Variants in DGKD observed in about 807,000 individuals in gnomAD.
DGKD encodes the protein DAG kinase delta.
Under a neutral mutation model 154.4 loss-of-function variants are expected in DGKD, and 68 were observed. That is an observed-to-expected ratio of 0.44 (90% CI 0.36 to 0.54). The LOEUF (loss-of-function observed/expected upper bound fraction) is 0.54, where lower values mean the gene tolerates loss of function less well. Among genes scored for constraint, DGKD ranks in the 20% least tolerant of loss-of-function variants. The pLI, the probability that DGKD is intolerant of heterozygous loss-of-function variation, is 0.00. For missense variants in DGKD, 1,343 were observed against 1,593.6 expected, an observed-to-expected ratio of 0.84 and a Z score of 2.68; for synonymous variants, 693 against 638.0, an observed-to-expected ratio of 1.09 and a Z score of -1.30.
chr2:233,428,843 C>T (rs1467223050), intron 3 of DGKD, among the ~76,000 whole-genome samples: 5 of 152,094 alleles, frequency 3.3e-5, no homozygotes. Context: ...GGCTTCTTCA[C>T]AACAGAACAG....
chr2:233,464,095 C>G, intron 26 of DGKD, 69 bp from the exon 27 acceptor site: 3 of 1,600,732 alleles, frequency 1.9e-6, no homozygotes, highest in South Asian at 2.2e-5. Context: ...GGACCTCACC[C>G]CCCTGGGCCT....
At chr2:233,405,628 GTTCATCTCC>G (rs1369524908) in intron 3 of DGKD, among the ~76,000 whole-genome samples, 1 of 152,154 alleles carries the variant, frequency 6.6e-6, no homozygotes, top group Non-Finnish European at 1.5e-5. Context: ...AAAGGGATGA[GTTCATCTCC>G]TCCCCCTTGT....
Position 233,470,924 on chromosome 2 carries a change from G to C in DGKD, c.*1464G>C, listed in dbSNP as rs929111506. ...GCGCTGTCCAGGTCCTTTAGTCAGC[G>C]TCACTCCATCTGATGTGCAGAAGCT... On this transcript the variant is annotated 3_prime_UTR_variant, in exon 30 of 30. Coordinates refer to ENST00000264057, the MANE Select transcript of DGKD (RefSeq NM_152879.3). 1 of 152,420 alleles carries C rather than the reference G, an allele frequency of 6.6e-6. No individual in the cohort carries two copies. The highest frequency in any genetic ancestry group is 2.1e-4 in the South Asian group (1 of 4,830). 9.4% of individuals were successfully genotyped at this position (152,420 alleles called of 1,614,324 possible).
Position 233,449,626 on chromosome 2 carries a change from A to G in DGKD, c.1888+250A>G, listed in dbSNP as rs2063202683. On this transcript the variant is annotated intron_variant, in intron 15 of 29. Coordinates refer to ENST00000264057, the MANE Select transcript of DGKD (RefSeq NM_152879.3). The surrounding 1 kb of genome is among the most constrained non-coding windows in gnomAD (Gnocchi z 5.3). ...TCCTGGCCCTCATTGACTTCACTAT[A>G]AGCGTCTCACTCCCGTGAGAGCCTT... Among the ~76,000 whole-genome samples, 1 of 151,998 alleles carries G rather than the reference A, an allele frequency of 6.6e-6. No individual in the cohort carries two copies. The highest frequency in any genetic ancestry group is 1.5e-5 in the Non-Finnish European group (1 of 67,998).
At chr2:233,455,308 A>T (rs1478347713) in intron 19 of DGKD, among the ~76,000 whole-genome samples, 1 of 152,186 alleles carries the variant, frequency 6.6e-6, no homozygotes, top group East Asian at 1.9e-4. Flanking sequence ...CTTGAGTCCA[A>T]CCTCTGCAGG....
At chr2:233,395,081 G>A (rs1046315896) in intron 3 of DGKD, among the ~76,000 whole-genome samples, 1 of 152,280 alleles carries the variant, frequency 6.6e-6, no homozygotes, top group Non-Finnish European at 1.5e-5. Flanking sequence ...TAAATATTGT[G>A]CTTCAGCCAT....
rs574075999 is a variant in DGKD, at chr2:233,386,586, C to T, written c.157-1671C>T. On this transcript the variant is annotated intron_variant, in intron 1 of 29. Transcript: ENST00000264057. ...GGGTGGGGAGGTCACTTCTGGCAAA[C>T]AAGCGTCATCAGAATGCTTGATCGT... Among the ~76,000 whole-genome samples the T allele has an allele frequency of 9.9e-5, 15 of 152,206 alleles. No individual in the cohort carries two copies. In the South Asian group the frequency reaches 2.7e-3, roughly 27 times the overall value.
At chr2:233,447,902 C>T in intron 12 of DGKD, 185 bp from the exon 13 acceptor site, 1 of 1,431,284 alleles carries the variant, frequency 7.0e-7, no homozygotes, top group Non-Finnish European at 9.1e-7. Context: ...TCACCTAGCA[C>T]TAGGTGAGTC....
chr2:233,397,772 A>G (rs1239692818), intron 3 of DGKD, among the ~76,000 whole-genome samples: 1 of 152,006 alleles, frequency 6.6e-6, no homozygotes, highest in Non-Finnish European at 1.5e-5. Context: ...TAGGATTGTT[A>G]GGAGAGAGTG....
intron 1 of DGKD, among the ~76,000 whole-genome samples, chr2:233,359,755 T>C (rs1401346692): frequency 2.6e-5 from 4 of 152,248 alleles, no homozygotes; most frequent in African/African-American, 9.6e-5. Context: ...TGTTAACTGT[T>C]GTGCGAGGCA....
rs1237691251 is a variant in DGKD, at chr2:233,354,532, C to T, written c.14C>T (p.Ala5Val). ...TGGCCCGGCAGCATGGCGGCGGCGG[C>T]GGGCGCCCCTCCGCCGGGTCCCCCG... MAAAAGAPPPGPPQP... is the reference protein window; with the variant it reads MAAAVGAPPPGPPQP... The change falls in exon 1 of 30, where the codon GCG (alanine) becomes GTG (valine). Residue 5 changes from alanine to valine, a missense_variant. Transcript: ENST00000264057. This position sits in a 1 kb window ranked among gnomAD's most constrained non-coding sequence, Gnocchi z 4.8. 9.1e-6 allele frequency: 9 copies of T among 990,034 alleles called. No individual in the cohort carries two copies. Among genetic ancestry groups the T allele is most frequent in the African/African-American group, 1.8e-5 (1 of 56,538 alleles). The allele number at this position is 990,034 out of a possible 1,614,324, so 61.3% of individuals were successfully genotyped here. A position where few individuals can be genotyped will look rare whatever the true frequency, so the allele number is the denominator to read the frequency against.
chr2:233,448,685 T>C (rs1182031409), intron 14 of DGKD, among the ~76,000 whole-genome samples: 1 of 152,200 alleles, frequency 6.6e-6, no homozygotes, highest in Non-Finnish European at 1.5e-5. Context: ...TCACCTCATG[T>C]AAATGAAGTG....
chr2:233,386,316 A>G (rs910338055), intron 1 of DGKD: 5 of 266,552 alleles, frequency 1.9e-5, no homozygotes, highest in Non-Finnish European at 1.5e-5. Context: ...GCTTCCATGG[A>G]TGGCATTGTT....
intron 10 of DGKD, chr2:233,442,284 T>TG: frequency 9.2e-6 from 5 of 542,786 alleles, no homozygotes; most frequent in South Asian, 8.5e-5. Context: ...CAGGGCTGGG[T>TG]GGGGCTGTTG....
At chr2:233,419,510 AT>A in intron 3 of DGKD, 5 of 910,920 alleles carry the variant, frequency 5.5e-6, no homozygotes, top group Non-Finnish European at 6.6e-6. Context: ...AGCGGAAGGA[AT>A]TGAGCTTCCT....
Position 233,392,057 on chromosome 2 carries a change from C to G in DGKD, c.348+1574C>G, listed in dbSNP as rs552332863. The G allele has an allele frequency of 2.0e-5, 3 of 152,238 alleles. No homozygotes were observed. The East Asian group carries it at 5.8e-4, about 29-fold the overall frequency. 9.4% of individuals were successfully genotyped at this position (152,238 alleles called of 1,614,324 possible). On this transcript the variant is annotated intron_variant, in intron 3 of 29. Transcript: ENST00000264057. ...TGAATTTTTTTGAGATGTTGTCTCC[C>G]TTTGTCACCCAGGCTGAAGTGCGGT... is the stretch of plus-strand genomic sequence containing the variant.
At chr2:233,361,374 T>C (rs547280274) in intron 1 of DGKD, among the ~76,000 whole-genome samples, 5 of 152,180 alleles carry the variant, frequency 3.3e-5, no homozygotes, top group Non-Finnish European at 7.3e-5. Flanking sequence ...GAGGGAGATA[T>C]CTCCCTCTAA....
chr2:233,396,797 G>C (rs1704070670), intron 3 of DGKD, among the ~76,000 whole-genome samples: 1 of 152,162 alleles, frequency 6.6e-6, no homozygotes, highest in African/African-American at 2.4e-5. Flanking sequence ...TCGGGGATGG[G>C]GCAGGTGGAG....
rs1474623570 is a variant in DGKD, at chr2:233,451,953, C to A, written c.2168-11C>A. The A allele has an allele frequency of 2.5e-6, 4 of 1,613,482 alleles. No individual in the cohort carries two copies. The Admixed American group carries it at 6.7e-5, about 27-fold the overall frequency. On this transcript the variant is annotated splice_polypyrimidine_tract_variant and intron_variant, in intron 17 of 29. Coordinates refer to ENST00000264057, the MANE Select transcript of DGKD (RefSeq NM_152879.3). ...GACCAGCACCACCTCTTTCTTGTAT[C>A]TCCTTTACAGATGTCCGGGCTGGAA...
Sources: allele counts gnomAD v4.1 joint callset (sites outside exome capture counted in the v4.1 genomes callset), GRCh38; gene constraint gnomAD v4.1.1; non-coding constraint Gnocchi (gnomAD v3.1); transcripts MANE v1.5; gene names NCBI Gene and HGNC (gene_info 2026-07-23, HGNC 2026-07-21).